Variants in CNTNAP2 observed in about 807,000 individuals in gnomAD.
CNTNAP2 encodes the protein contactin-associated protein-like 2.
A neutral mutation model predicts 155.2 loss-of-function variants in CNTNAP2; 98 were observed. The observed-to-expected ratio is 0.63, with a 90% confidence interval of 0.54 to 0.75. CNTNAP2 has a LOEUF of 0.75. CNTNAP2 is among the 30% of genes least tolerant of loss of function. The pLI is 0.00. For missense variants in CNTNAP2, 1,727 were observed against 1,688.1 expected (o/e 1.02, Z -0.40); for synonymous variants, 651 against 631.2 (o/e 1.03, Z -0.47).
intron 8 of CNTNAP2, among the ~76,000 whole-genome samples, chr7:147,154,832 G>C (rs1254812695): frequency 6.6e-6 from 1 of 151,494 alleles, no homozygotes; most frequent in Admixed American, 6.6e-5. Context: ...CTCTGATATA[G>C]TTTCTGATAG....
intron 1 of CNTNAP2, among the ~76,000 whole-genome samples, chr7:146,138,059 G>A (rs1399094361): frequency 6.6e-6 from 1 of 151,846 alleles, no homozygotes; most frequent in Non-Finnish European, 1.5e-5. Context: ...CACATCATGA[G>A]GCTAAAGCCA....
intron 13 of CNTNAP2, among the ~76,000 whole-genome samples, chr7:147,664,165 G>A (rs918911709): frequency 1.3e-5 from 2 of 152,212 alleles, no homozygotes; most frequent in Non-Finnish European, 1.5e-5. Context: ...TTCTCCCAGT[G>A]TGACTATCAG....
chr7:147,879,336 C>G (rs1243301109), intron 13 of CNTNAP2, among the ~76,000 whole-genome samples: 2 of 152,174 alleles, frequency 1.3e-5, no homozygotes, highest in African/African-American at 2.4e-5. Context: ...CACAAAGCAG[C>G]TCTTTCCAGG....
chr7:146,348,915 G>A (rs945406861), intron 1 of CNTNAP2, among the ~76,000 whole-genome samples: 1 of 151,214 alleles, frequency 6.6e-6, no homozygotes, highest in African/African-American at 2.4e-5. Flanking sequence ...ATAAGAGATA[G>A]ACTTTCTTCT....
At chr7:148,356,136 GAC>G (rs1392802185) in intron 21 of CNTNAP2, among the ~76,000 whole-genome samples, 2 of 105,308 alleles carry the variant, frequency 1.9e-5, no homozygotes. Context: ...TCCTATTTAA[GAC>G]ACAGCTTAAA....
At chr7:146,754,626 C>T (rs963792772) in intron 1 of CNTNAP2, among the ~76,000 whole-genome samples, 1 of 151,212 alleles carries the variant, frequency 6.6e-6, no homozygotes, top group Non-Finnish European at 1.5e-5. Context: ...TTGACTGTGA[C>T]CTCTCTGTGT....
At chr7:148,282,062 A>G (rs57826961) in intron 21 of CNTNAP2, among the ~76,000 whole-genome samples, 21,944 of 151,964 alleles carry the variant, frequency 0.14, 2,029 homozygotes, top group African/African-American at 0.26. Flanking sequence ...TGACCTCATG[A>G]TCCACCCACC....
intron 13 of CNTNAP2, among the ~76,000 whole-genome samples, chr7:147,786,681 G>T (rs1421026437): frequency 1.3e-5 from 2 of 152,090 alleles, no homozygotes; most frequent in Admixed American, 6.5e-5. Flanking sequence ...AGAAAGCACT[G>T]TGGAGGCCTG....
chr7:148,341,500 A>G (rs1170768794), intron 21 of CNTNAP2, among the ~76,000 whole-genome samples: 1 of 152,082 alleles, frequency 6.6e-6, no homozygotes, highest in East Asian at 1.9e-4. Flanking sequence ...TGTCCCCATC[A>G]ATTTTTAGGC....
intron 18 of CNTNAP2, among the ~76,000 whole-genome samples, chr7:148,203,314 C>T (rs1449473626): frequency 6.6e-6 from 1 of 152,062 alleles, no homozygotes; most frequent in Non-Finnish European, 1.5e-5. Flanking sequence ...GGGTTGTACT[C>T]CAGAAATAAA....
At chr7:147,409,190 T>C (rs942547297) in intron 10 of CNTNAP2, among the ~76,000 whole-genome samples, 2 of 152,016 alleles carry the variant, frequency 1.3e-5, no homozygotes, top group African/African-American at 2.4e-5. Context: ...AATTGAGCAA[T>C]AGAGAGTGGT....
chr7:146,547,544 AT>A (rs1798046871), intron 1 of CNTNAP2, among the ~76,000 whole-genome samples: 1 of 151,844 alleles, frequency 6.6e-6, no homozygotes, highest in African/African-American at 2.4e-5. Context: ...TGATTTGGCT[AT>A]TTTAGGTACC....
At chr7:146,782,207 A>G (rs1434742159) in intron 2 of CNTNAP2, 2 of 152,134 alleles carry the variant, frequency 1.3e-5, no homozygotes, top group Non-Finnish European at 2.9e-5. Context: ...TCTCACTCAC[A>G]GGTAATTCAT....
At chr7:147,615,583 T>G (rs1026208650) in intron 12 of CNTNAP2, among the ~76,000 whole-genome samples, 1 of 152,174 alleles carries the variant, frequency 6.6e-6, no homozygotes, top group African/African-American at 2.4e-5. Flanking sequence ...CAAATATTAT[T>G]GGCAAATCCA....
At chr7:147,362,909 A>G (rs887714692) in intron 9 of CNTNAP2, among the ~76,000 whole-genome samples, 1 of 152,188 alleles carries the variant, frequency 6.6e-6, no homozygotes, top group Admixed American at 6.5e-5. Context: ...AAAAATCAAG[A>G]GTCAATTGAG....
At chr7:148,222,579 A>ATTCCATGAATCTATGAATGGATCC (rs1795770934) in intron 19 of CNTNAP2, among the ~76,000 whole-genome samples, 3 of 152,154 alleles carry the variant, frequency 2.0e-5, no homozygotes, top group Admixed American at 1.3e-4. Context: ...TGAATGGATC[A>ATTCCATGAATCTATGAATGGATCC]TTCCATTCAT....
chr7:148,234,847 TAGAG>T (rs1474712198), intron 20 of CNTNAP2, among the ~76,000 whole-genome samples: 6 of 152,206 alleles, frequency 3.9e-5, no homozygotes, highest in African/African-American at 1.4e-4. Context: ...AGTTAGACAA[TAGAG>T]AGTTCAGGGA....
chr7:146,706,157 C>A (rs1398800125), intron 1 of CNTNAP2, among the ~76,000 whole-genome samples: 1 of 151,128 alleles, frequency 6.6e-6, no homozygotes, highest in Non-Finnish European at 1.5e-5. Flanking sequence ...CCCTGAGAGT[C>A]AGAATCTTTC....
At chr7:147,570,299 C>A (rs754129626) in intron 12 of CNTNAP2, among the ~76,000 whole-genome samples, 1 of 152,092 alleles carries the variant, frequency 6.6e-6, no homozygotes, top group Non-Finnish European at 1.5e-5. Context: ...ATCTTGAAGA[C>A]CATTTTAGAA....
Sources: gnomAD v4.1 joint callset for allele counts (sites outside exome capture counted in the v4.1 genomes callset) on GRCh38, gnomAD v4.1.1 for gene constraint, MANE v1.5 for transcripts, NCBI Gene and HGNC (gene_info 2026-07-23, HGNC 2026-07-21) for gene names.